PCDHA1: variants seen among roughly 807,000 people sequenced by gnomAD.
PCDHA1 encodes protocadherin alpha 1, also known as protocadherin alpha-1.
Under a neutral mutation model 61.3 loss-of-function variants are expected in PCDHA1, and 42 were observed. The observed-to-expected ratio is 0.69, with a 90% CI of 0.54 to 0.89. The LOEUF is 0.89. PCDHA1 is among the 40% of genes least tolerant of loss of function. PCDHA1 has a pLI of 0.00. For synonymous variants in PCDHA1, 610 were observed against 553.8 expected, an observed-to-expected ratio of 1.10 and a Z score of -1.43; for missense variants, 1,256 against 1,235.3, an observed-to-expected ratio of 1.02 and a Z score of -0.25.
intron 1 of PCDHA1, chr5:140,867,441 G>A (rs1188505395): frequency 1.3e-5 from 2 of 152,032 alleles, no homozygotes; most frequent in African/African-American, 4.8e-5. Flanking sequence ...GCATTTACCT[G>A]AATTAGAGTT....
intron 1 of PCDHA1, chr5:140,829,261 G>A (rs1770190858): frequency 1.9e-6 from 3 of 1,614,114 alleles, no homozygotes; most frequent in South Asian, 1.1e-5. Flanking sequence ...GCTCGCTGAC[G>A]CCTCACGTCC....
At chr5:140,966,259 G>C (rs1358322921) in intron 1 of PCDHA1, 1 of 340,612 alleles carries the variant, frequency 2.9e-6, no homozygotes, top group Non-Finnish European at 5.3e-6. Context: ...AGACGGTGGA[G>C]ACTGGATGAA....
intron 1 of PCDHA1, among the ~76,000 whole-genome samples, chr5:140,885,674 C>A (rs1041500524): frequency 2.1e-4 from 32 of 152,192 alleles, no homozygotes; most frequent in African/African-American, 7.0e-4. Flanking sequence ...AGCACTCTTT[C>A]TATCTCAAGA....
Position 140,869,430 on chromosome 5 carries a change from C to A in PCDHA1, c.2394+80746C>A, listed in dbSNP as rs73793507. On this transcript the variant is annotated intron_variant, in intron 1 of 3. Transcript: ENST00000504120. ...AGTGCAGCATCCACCTGGAGGTGATCGTGGACAGGCCGCTGCAGGTTTTCC... is the reference window on the plus strand; with the variant it reads ...AGTGCAGCATCCACCTGGAGGTGATAGTGGACAGGCCGCTGCAGGTTTTCC... 7.1e-4 allele frequency: 1,143 copies of A among 1,614,154 alleles called. 9 individuals are homozygous for A. In the African/African-American group the frequency reaches 0.013, roughly 18 times the overall value.
At chr5:140,863,062 G>T (rs62384481) in intron 1 of PCDHA1, 19 of 565,590 alleles carry the variant, frequency 3.4e-5, no homozygotes, top group Non-Finnish European at 5.9e-5. Flanking sequence ...CCCGTTCCAC[G>T]TGGGGCTCTG....
intron 1 of PCDHA1, chr5:140,801,881 A>G: frequency 6.2e-7 from 1 of 1,614,200 alleles, no homozygotes; most frequent in Non-Finnish European, 8.5e-7. Flanking sequence ...CGACTCAACT[A>G]AAGATCACTG....
At chr5:140,897,566 A>C (rs1461105293) in intron 1 of PCDHA1, among the ~76,000 whole-genome samples, 1 of 151,760 alleles carries the variant, frequency 6.6e-6, no homozygotes, top group Non-Finnish European at 1.5e-5. Flanking sequence ...TATGTGCCAC[A>C]TTTTCTTAAT....
chr5:140,824,765 A>G (rs1050013225), intron 1 of PCDHA1: 1 of 151,626 alleles, frequency 6.6e-6, no homozygotes, highest in Non-Finnish European at 1.5e-5. Flanking sequence ...TGGCCTATAA[A>G]AATGTTTTAA....
Position 140,856,403 on chromosome 5 carries a change from G to A in PCDHA1, c.2394+67719G>A, listed in dbSNP as rs782447462. On this transcript the variant is annotated intron_variant, in intron 1 of 3. Coordinates refer to ENST00000504120, the MANE Select transcript of PCDHA1 (RefSeq NM_018900.4). ...CAGGCCGCTGCAGGTTTTCCATGTG[G>A]ACGTGGAAGTGAAGGACATTAACGA... 5.8e-5 allele frequency: 92 copies of A among 1,598,448 alleles called. 11 individuals are homozygous for A. The highest frequency in any genetic ancestry group is 7.7e-5 in the Non-Finnish European group (90 of 1,168,002).
At chr5:140,858,469 C>T (rs782532416) in intron 1 of PCDHA1, 2 of 1,520,006 alleles carry the variant, frequency 1.3e-6, no homozygotes, top group African/African-American at 1.4e-5. Context: ...TCCTTTTGTG[C>T]TTTATGAATA....
At chr5:140,967,712 G>A in intron 1 of PCDHA1, 2 of 1,614,196 alleles carry the variant, frequency 1.2e-6, no homozygotes, top group Non-Finnish European at 1.7e-6. Flanking sequence ...CAGTACCGGG[G>A]AAGTGCGAGT....
In PCDHA1 at chr5:140,852,660, A is replaced by G. The variant is rs2150521293; in HGVS notation, c.2394+63976A>G. The G allele has an allele frequency of 3.6e-4, 348 of 965,166 alleles. 29 individuals carry two copies. The highest frequency in any genetic ancestry group is 4.1e-4 in the Non-Finnish European group (328 of 799,632). 59.8% of individuals were successfully genotyped at this position (965,166 alleles called of 1,614,324 possible). A position where few individuals can be genotyped will look rare whatever the true frequency, so the allele number is the denominator to read the frequency against. On this transcript the variant is annotated intron_variant, in intron 1 of 3. Coordinates refer to ENST00000504120, the MANE Select transcript of PCDHA1 (RefSeq NM_018900.4). Reference sequence around the variant, plus strand: ...TCATTAAACCTATCTATATCTGTCTATCAGCACAACTCACCTTGAATATAG... The same window carrying G: ...TCATTAAACCTATCTATATCTGTCTGTCAGCACAACTCACCTTGAATATAG...
intron 1 of PCDHA1, chr5:140,807,915 A>G (rs1764063263): frequency 6.2e-7 from 1 of 1,614,012 alleles, no homozygotes; most frequent in Non-Finnish European, 8.5e-7. Context: ...CCAGCTTTTG[A>G]CAGAACCATT....
rs949986485 is a variant in PCDHA1 at position 140,855,050 on chromosome 5, T to C, written c.2394+66366T>C. Among the ~76,000 whole-genome samples the C allele has an allele frequency of 5.5e-4, 83 of 150,048 alleles. 4 individuals are homozygous for C. The highest frequency in any genetic ancestry group is 1.9e-3 in the African/African-American group (78 of 41,034). On this transcript the variant is annotated intron_variant, in intron 1 of 3. Transcript: ENST00000504120. ...ATAAAGGATTTTTCTGTAATAGTAC[T>C]TTTCTGTTTTCTTAAATACAGAAAC... is the stretch of plus-strand genomic sequence containing the variant.
At chr5:140,886,742 C>T (rs2061110620) in intron 1 of PCDHA1, among the ~76,000 whole-genome samples, 1 of 149,008 alleles carries the variant, frequency 6.7e-6, no homozygotes, top group Non-Finnish European at 1.5e-5. Flanking sequence ...AAGAGAATTG[C>T]TTGAACCCGG....
In PCDHA1 at chr5:140,796,895, G is replaced by A. The variant is rs782392168; in HGVS notation, c.2394+8211G>A. On this transcript the variant is annotated intron_variant, in intron 1 of 3. Transcript: ENST00000504120. ...GCCCTAGACGAGGCTGACTCCCCTC[G>A]ACACCGCCTACTCGTGCTGGTGAAG... The A allele has an allele frequency of 2.3e-5, 37 of 1,613,894 alleles. No homozygotes were observed. In the South Asian group the frequency reaches 3.4e-4, roughly 15 times the overall value.
At chr5:140,811,116 A>T (rs1764795251) in intron 1 of PCDHA1, 1 of 152,148 alleles carries the variant, frequency 6.6e-6, no homozygotes, top group Non-Finnish European at 1.5e-5. Flanking sequence ...CCATCAACTC[A>T]TCATTTACAT....
At chr5:140,979,408 GT>G (rs558051720) in intron 2 of PCDHA1, among the ~76,000 whole-genome samples, 17 of 147,706 alleles carry the variant, frequency 1.2e-4, no homozygotes, top group East Asian at 4.0e-4. Flanking sequence ...TGTCTACCTT[GT>G]TTTTTTTTTA....
In PCDHA1 at chr5:140,787,546, C is replaced by G. The variant is rs782669487; in HGVS notation, c.1256C>G (p.Ser419Trp). The G allele has an allele frequency of 2.5e-6, 4 of 1,614,226 alleles. No homozygotes were observed. The highest frequency in any genetic ancestry group is 1.1e-5 in the South Asian group (1 of 91,078). Reference protein sequence around the residue: ...LDSALDRESLSVYELVVTARD... With the variant: ...LDSALDRESLWVYELVVTARD... ...AGCGCCCTGGATCGCGAGAGCCTGT[C>G]GGTCTATGAGCTGGTGGTGACCGCG... is the stretch of plus-strand genomic sequence containing the variant. The change falls in exon 1 of 4, where the codon TCG (serine) becomes TGG (tryptophan). Residue 419 changes from serine (S) to tryptophan (W), a missense_variant. Physicochemically the swap from Ser to Trp is radical, Grantham distance 177 (BLOSUM62 -3). Transcript: ENST00000504120.
Sources: allele counts gnomAD v4.1 joint callset (sites outside exome capture counted in the v4.1 genomes callset), GRCh38; gene constraint gnomAD v4.1.1; transcripts MANE v1.5; gene names NCBI Gene and HGNC (gene_info 2026-07-23, HGNC 2026-07-21).